CSGALNACT2: variants seen among roughly 807,000 people sequenced by gnomAD.
CSGALNACT2 encodes chondroitin sulfate N-acetylgalactosaminyltransferase 2, also known as beta 4 GalNAcT-2.
Under a neutral mutation model 55.3 loss-of-function variants are expected in CSGALNACT2, and 35 were observed. That is an observed-to-expected ratio of 0.63 (90% CI 0.48 to 0.84). The LOEUF (loss-of-function observed/expected upper bound fraction) is 0.84. Among genes scored for constraint, CSGALNACT2 ranks in the 40% least tolerant of loss-of-function variants. The pLI, the probability that CSGALNACT2 is intolerant of heterozygous loss-of-function variation, is 0.00. For missense variants in CSGALNACT2, 544 were observed against 657.5 expected (o/e 0.83, Z 1.89); for synonymous variants, 196 against 224.9 (o/e 0.87, Z 1.15).
At chr10:43,162,080 G>A (rs2133125863) in intron 4 of CSGALNACT2, 2 of 498,628 alleles carry the variant, frequency 4.0e-6, no homozygotes, top group South Asian at 1.5e-5. Flanking sequence ...CCAAATTTGG[G>A]GAAGAAAATC....
chr10:43,149,815 C>T (rs1429788685), intron 1 of CSGALNACT2, among the ~76,000 whole-genome samples: 2 of 152,096 alleles, frequency 1.3e-5, no homozygotes, highest in Non-Finnish European at 2.9e-5. Context: ...CGCCTGTGAT[C>T]CCAGCACTTT....
intron 1 of CSGALNACT2, among the ~76,000 whole-genome samples, chr10:43,141,066 C>A (rs1052832760): frequency 6.6e-6 from 1 of 152,090 alleles, no homozygotes; most frequent in African/African-American, 2.4e-5. Flanking sequence ...GCAATTGATT[C>A]TTGAATATTT....
intron 6 of CSGALNACT2, among the ~76,000 whole-genome samples, chr10:43,173,611 A>C (rs539936478): frequency 1.3e-5 from 2 of 152,368 alleles, no homozygotes; most frequent in South Asian, 4.1e-4. Flanking sequence ...TAGTACTTAT[A>C]TAATCAGAAT....
intron 1 of CSGALNACT2, among the ~76,000 whole-genome samples, chr10:43,150,470 T>C (rs993643862): frequency 6.6e-6 from 1 of 152,256 alleles, no homozygotes; most frequent in African/African-American, 2.4e-5. Flanking sequence ...TTTGCCTTTT[T>C]CAAAGATAAT....
At chr10:43,183,185 A>G (rs376827127) in intron 7 of CSGALNACT2, 65 bp from the exon 8 acceptor site, 1 of 1,245,904 alleles carries the variant, frequency 8.0e-7, no homozygotes, top group Non-Finnish European at 1.2e-6. Flanking sequence ...TTAAAATTTT[A>G]TATATATCCC....
intron 1 of CSGALNACT2, among the ~76,000 whole-genome samples, chr10:43,139,802 T>C (rs1588886379): frequency 6.6e-6 from 1 of 152,278 alleles, no homozygotes; most frequent in East Asian, 1.9e-4. Context: ...CATGGTATTG[T>C]ATTATTACTG....
intron 6 of CSGALNACT2, among the ~76,000 whole-genome samples, chr10:43,171,730 C>G (rs1454607714): frequency 6.6e-6 from 1 of 152,208 alleles, no homozygotes; most frequent in Admixed American, 6.5e-5. Flanking sequence ...CTAGGTGTTG[C>G]ATAGCAACTT....
At chr10:43,167,135 A>C (rs1382576356) in intron 6 of CSGALNACT2, 37 bp downstream of exon 6, 1 of 1,309,160 alleles carries the variant, frequency 7.6e-7, no homozygotes, top group East Asian at 2.3e-5. Flanking sequence ...AAAGACTCTA[A>C]AGATCTTTTC....
intron 1 of CSGALNACT2, among the ~76,000 whole-genome samples, chr10:43,144,710 A>ATATG (rs1458148757): frequency 6.6e-6 from 1 of 152,226 alleles, no homozygotes; most frequent in African/African-American, 2.4e-5. Context: ...AAGTTTTAAC[A>ATATG]TATGTATACA....
Position 43,158,720 on chromosome 10 carries a change from T to G in CSGALNACT2, c.667T>G (p.Tyr223Asp). 4 of 1,583,148 alleles carry G rather than the reference T, an allele frequency of 2.5e-6. No homozygotes were observed. The highest frequency in any genetic ancestry group is 3.5e-6 in the Non-Finnish European group (4 of 1,152,572). ...FNENDFVEGY[Y>D]RTERDKGTQY... Reference sequence around the variant, plus strand: ...TTCCTAACTCTTTCCTTTAGGTTATTATCGCACTGAGAGAGATAAGGGCAC... The same window carrying G: ...TTCCTAACTCTTTCCTTTAGGTTATGATCGCACTGAGAGAGATAAGGGCAC... The change falls in exon 3 of 8, where the codon TAT becomes GAT. Residue 223 changes from tyrosine to aspartate, a missense_variant. Around this residue, in one of 2 missense-constraint regions of CSGALNACT2, gnomAD observed 374 missense variants for 401.3 expected, o/e 0.93. Transcript: ENST00000374466.
intron 7 of CSGALNACT2, among the ~76,000 whole-genome samples, chr10:43,182,782 G>A (rs1433249553): frequency 1.3e-5 from 2 of 151,630 alleles, no homozygotes; most frequent in African/African-American, 4.8e-5. Context: ...GGCTGAGATG[G>A]GAGGATCGCC....
chr10:43,147,218 G>A (rs955628006), intron 1 of CSGALNACT2, among the ~76,000 whole-genome samples: 57 of 151,732 alleles, frequency 3.8e-4, no homozygotes, highest in Non-Finnish European at 6.5e-4. Context: ...CTCGTGATCC[G>A]CCCGCCTCGG....
At chr10:43,151,375 G>T (rs1282336506) in intron 1 of CSGALNACT2, among the ~76,000 whole-genome samples, 1 of 152,060 alleles carries the variant, frequency 6.6e-6, no homozygotes, top group Non-Finnish European at 1.5e-5. Context: ...AGATGTATTG[G>T]CAGGATTAGT....
intron 7 of CSGALNACT2, among the ~76,000 whole-genome samples, chr10:43,179,355 C>T (rs2133157019): frequency 6.8e-6 from 1 of 147,976 alleles, no homozygotes. Context: ...TGTGGCAACT[C>T]TGGATACTGA....
intron 4 of CSGALNACT2, chr10:43,162,361 G>A: frequency 3.4e-6 from 4 of 1,181,500 alleles, no homozygotes; most frequent in South Asian, 1.2e-5. Flanking sequence ...CTATGGCCAG[G>A]TTGGGTGGGG....
intron 6 of CSGALNACT2, among the ~76,000 whole-genome samples, chr10:43,174,439 T>C (rs1839441108): frequency 6.6e-6 from 1 of 152,186 alleles, no homozygotes; most frequent in Admixed American, 6.5e-5. Flanking sequence ...CTCAGATTCA[T>C]TATGGCCAGA....
chr10:43,166,572 T>G (rs962164005), intron 5 of CSGALNACT2, among the ~76,000 whole-genome samples: 2 of 152,250 alleles, frequency 1.3e-5, no homozygotes, highest in African/African-American at 4.8e-5. Flanking sequence ...TGCATATCTA[T>G]TCATTGTACA....
At chr10:43,180,020 A>G (rs1277284421) in intron 7 of CSGALNACT2, among the ~76,000 whole-genome samples, 3 of 152,216 alleles carry the variant, frequency 2.0e-5, no homozygotes, top group African/African-American at 4.8e-5. Context: ...GGATGGGGAC[A>G]GTGACACACT....
At position 43,155,314 on chromosome 10, in the gene CSGALNACT2, G is replaced by GTAT. The variant is rs760993595; in HGVS notation, c.169_171dup (p.Tyr57dup). On this transcript the variant is annotated inframe_insertion, in exon 2 of 8. Transcript: ENST00000374466. ...TTGTTGGGGAAAATTATGGTAAAGA[G>GTAT]TATTATCAAGCCCTCCTACAGGAAC... The GTAT allele has an allele frequency of 8.1e-6, 13 of 1,614,138 alleles. No individual in the cohort carries two copies. The highest frequency in any genetic ancestry group is 1.1e-5 in the Non-Finnish European group (13 of 1,180,038).
Sources: gnomAD v4.1 joint callset for allele counts (sites outside exome capture counted in the v4.1 genomes callset) on GRCh38, gnomAD v4.1.1 for gene constraint, gnomAD v4.1.1 regional missense constraint, MANE v1.5 for transcripts, NCBI Gene and HGNC (gene_info 2026-07-23, HGNC 2026-07-21) for gene names.